The following DOCK9 variants were observed in gnomAD, a reference collection of about 807,000 sequenced individuals.
The protein encoded by DOCK9 is dedicator of cytokinesis protein 9.
A neutral mutation model predicts 263.3 loss-of-function variants in DOCK9; 89 were observed. That is an observed-to-expected ratio of 0.34 (90% CI 0.28 to 0.40). The LOEUF is 0.40. DOCK9 is among the 10% of genes least tolerant of loss of function. The pLI is 1.00. For missense variants in DOCK9, 2,140 were observed against 2,603.4 expected (o/e 0.82, Z 3.87); for synonymous variants, 976 against 973.1 (o/e 1.00, Z -0.06).
chr13:99,041,475 T>A (rs1334361835), intron 1 of DOCK9, among the ~76,000 whole-genome samples: 1 of 126,222 alleles, frequency 7.9e-6, no homozygotes, highest in Non-Finnish European at 1.7e-5. Context: ...AAAGTAAGAC[T>A]GTCTCAAAAA....
chr13:98,999,290 G>GCACACACACACA (rs1217981239), intron 1 of DOCK9, among the ~76,000 whole-genome samples: 6 of 145,760 alleles, frequency 4.1e-5, no homozygotes, highest in Non-Finnish European at 6.1e-5. Flanking sequence ...GCATGCACGC[G>GCACACACACACA]CACACACACA....
intron 1 of DOCK9, among the ~76,000 whole-genome samples, chr13:99,060,654 T>G (rs2041147895): frequency 6.6e-6 from 1 of 152,204 alleles, no homozygotes; most frequent in Non-Finnish European, 1.5e-5. Context: ...TCTTATAATA[T>G]CTGTCTTTAT....
intron 1 of DOCK9, among the ~76,000 whole-genome samples, chr13:99,012,166 T>C (rs945596957): frequency 1.3e-5 from 2 of 152,134 alleles, no homozygotes; most frequent in African/African-American, 4.8e-5. Flanking sequence ...GCCATTCCAA[T>C]AGCAAGTAAG....
intron 1 of DOCK9, among the ~76,000 whole-genome samples, chr13:99,057,486 T>C (rs9517575): frequency 0.28 from 41,855 of 151,256 alleles, 6,125 homozygotes; most frequent in East Asian, 0.43. Flanking sequence ...CTGATTTCTT[T>C]ACTAAGCCAC....
chr13:98,798,876 A>G (rs984964040), intron 50 of DOCK9, among the ~76,000 whole-genome samples: 1 of 152,232 alleles, frequency 6.6e-6, no homozygotes, highest in African/African-American at 2.4e-5. Context: ...GTTTACCATC[A>G]AATTAGCAGG....
chr13:98,880,542 C>T lies in DOCK9; in HGVS notation c.2871+5G>A. On this transcript the variant is annotated splice_donor_5th_base_variant and intron_variant, in intron 26 of 52. Coordinates refer to ENST00000682017, the MANE Select transcript of DOCK9 (RefSeq NM_001366683.2). ...ATCAGAGCCACACTGACTCTCCTGACATACCTTCAGTAGTTTGTTGCTGGT... is the reference window on the plus strand; with the variant it reads ...ATCAGAGCCACACTGACTCTCCTGATATACCTTCAGTAGTTTGTTGCTGGT... The T allele has an allele frequency of 6.2e-7, 1 of 1,613,838 alleles. No individual in the cohort carries two copies. Among genetic ancestry groups the T allele is most frequent in the African/African-American group, 1.3e-5 (1 of 75,050 alleles).
chr13:98,862,817 C>A (rs545948644), intron 32 of DOCK9, among the ~76,000 whole-genome samples: 1 of 152,294 alleles, frequency 6.6e-6, no homozygotes, highest in East Asian at 1.9e-4. Context: ...AAGTTGCCTG[C>A]AGCATCAGCA....
At chr13:98,970,717 T>C (rs758505044) in intron 1 of DOCK9, among the ~76,000 whole-genome samples, 32 of 152,198 alleles carry the variant, frequency 2.1e-4, no homozygotes, top group Non-Finnish European at 1.5e-4. Flanking sequence ...TTAGCACTAG[T>C]ATATCACATT....
chr13:98,867,896 A>G, intron 29 of DOCK9, 32 bp downstream of exon 29: 1 of 1,576,462 alleles, frequency 6.3e-7, no homozygotes, highest in Non-Finnish European at 8.7e-7. Context: ...CTACATGGTG[A>G]CTTCTGTTAC....
At chr13:99,004,226 A>C (rs893610800) in intron 1 of DOCK9, among the ~76,000 whole-genome samples, 1 of 152,178 alleles carries the variant, frequency 6.6e-6, no homozygotes, top group Non-Finnish European at 1.5e-5. Flanking sequence ...GAGAGCAGAG[A>C]TTATGACTCT....
At chr13:98,989,508 G>A (rs1012494829) in intron 1 of DOCK9, among the ~76,000 whole-genome samples, 6 of 151,894 alleles carry the variant, frequency 4.0e-5, no homozygotes, top group African/African-American at 9.7e-5. Context: ...CCCATGTTTC[G>A]GAATCACTGA....
intron 1 of DOCK9, among the ~76,000 whole-genome samples, chr13:99,013,283 G>A (rs1453341007): frequency 6.6e-6 from 1 of 152,020 alleles, no homozygotes; most frequent in Non-Finnish European, 1.5e-5. Flanking sequence ...TTATTTTGTT[G>A]TTGTTGTTGT....
chr13:98,820,228 T>C (rs1427549047), intron 45 of DOCK9, among the ~76,000 whole-genome samples: 1 of 152,248 alleles, frequency 6.6e-6, no homozygotes, highest in Non-Finnish European at 1.5e-5. Flanking sequence ...ATTAAATATA[T>C]AGCCAACAGC....
At chr13:99,062,786 C>T (rs188372602) in intron 1 of DOCK9, among the ~76,000 whole-genome samples, 80 of 152,304 alleles carry the variant, frequency 5.3e-4, no homozygotes, top group Non-Finnish European at 8.4e-4. Context: ...GCAAGAGAAA[C>T]AAAAGCTGCA....
chr13:98,863,964 A>C (rs2093949311), intron 30 of DOCK9, among the ~76,000 whole-genome samples: 1 of 152,252 alleles, frequency 6.6e-6, no homozygotes, highest in South Asian at 2.1e-4. Context: ...CATAACAAAC[A>C]TGTAATTAAA....
intron 3 of DOCK9, among the ~76,000 whole-genome samples, chr13:98,929,903 G>C (rs2053636644): frequency 6.6e-6 from 1 of 151,976 alleles, no homozygotes. Context: ...AAATTCTGTG[G>C]AATTCACTTT....
chr13:98,861,128 T>C (rs1380724500), intron 32 of DOCK9, among the ~76,000 whole-genome samples: 2 of 152,216 alleles, frequency 1.3e-5, no homozygotes, highest in African/African-American at 4.8e-5. Flanking sequence ...CAGACAGGGC[T>C]AGAGAATACA....
intron 7 of DOCK9, among the ~76,000 whole-genome samples, chr13:98,916,310 C>T (rs2050881498): frequency 6.6e-6 from 1 of 152,202 alleles, no homozygotes; most frequent in African/African-American, 2.4e-5. Context: ...AAGATGTCCT[C>T]CAGGGAGCAA....
chr13:98,954,183 T>C (rs1344267657), intron 2 of DOCK9, among the ~76,000 whole-genome samples: 1 of 152,052 alleles, frequency 6.6e-6, no homozygotes, highest in East Asian at 1.9e-4. Flanking sequence ...TTCCCTCTCA[T>C]TTATCTTTTT....
Sources: gnomAD v4.1 joint callset for allele counts (sites outside exome capture counted in the v4.1 genomes callset) on GRCh38, gnomAD v4.1.1 for gene constraint, MANE v1.5 for transcripts, NCBI Gene and HGNC (gene_info 2026-07-23, HGNC 2026-07-21) for gene names.